The following CLUAP1 variants were observed in gnomAD, a reference collection of about 807,000 sequenced individuals.
The protein encoded by CLUAP1 is clusterin-associated protein 1.
In CLUAP1, 50 loss-of-function variants were observed where a neutral mutation model predicts 55.0. The ratio of observed to expected loss-of-function variants is 0.91; its 90% CI spans 0.72 to 1.15. The LOEUF (loss-of-function observed/expected upper bound fraction) is 1.15. Ranked by LOEUF, CLUAP1 falls within the 50% of genes most tolerant of loss-of-function variation. CLUAP1 has a pLI of 0.00. For synonymous variants in CLUAP1, 195 were observed against 175.4 expected, an observed-to-expected ratio of 1.11 and a Z score of -0.88; for missense variants, 530 against 507.6, an observed-to-expected ratio of 1.04 and a Z score of -0.42.
Position 3,526,435 on chromosome 16 carries a change from G to T in CLUAP1, c.879G>T (p.Leu293=), listed in dbSNP as rs773667870. 4.4e-6 allele frequency: 7 copies of T among 1,607,662 alleles called. No individual in the cohort carries two copies. In the East Asian group the frequency reaches 1.3e-4, roughly 31 times the overall value. ...RFEEAKNTLC[L]IQNKLKEEEK... Reference sequence around the variant, plus strand: ...AGGAAGCTAAAAACACTCTCTGCCTGATACAGAACAAGCTCAAGGAGGAAG... The same window carrying T: ...AGGAAGCTAAAAACACTCTCTGCCTTATACAGAACAAGCTCAAGGAGGAAG... Residue 293 remains leucine, a synonymous_variant, in exon 9 of 12, where the codon CTG becomes CTT. Transcript: ENST00000576634.
intron 3 of CLUAP1, 27 bp from the exon 4 acceptor site, chr16:3,508,262 C>CTTTTT: frequency 1.4e-6 from 2 of 1,387,208 alleles, no homozygotes; most frequent in Admixed American, 2.3e-5. Flanking sequence ...GGGCCTTCAA[C>CTTTTT]TTTTTTTTTT....
rs943473893 is a variant in CLUAP1, at chr16:3,506,270, T to G, written c.135-61T>G. On this transcript the variant is annotated intron_variant, in intron 2 of 11. Transcript: ENST00000576634. Reference sequence around the variant, plus strand: ...CCGCTGTCCTCTCAGTTGCCCACATTCTCTTTAGTAGACTTTCTCCTTGGT... The same window carrying G: ...CCGCTGTCCTCTCAGTTGCCCACATGCTCTTTAGTAGACTTTCTCCTTGGT... 33 of 1,364,836 alleles carry G rather than the reference T, an allele frequency of 2.4e-5. No individual in the cohort carries two copies. In the African/African-American group the frequency reaches 4.4e-4, roughly 18 times the overall value. The allele number at this position is 1,364,836 out of a possible 1,614,324, so 84.5% of individuals were successfully genotyped here. A position where few individuals can be genotyped will look rare whatever the true frequency, so the allele number is the denominator to read the frequency against.
At chr16:3,498,412 T>C (rs1364290076), upstream of CLUAP1, among the ~76,000 whole-genome samples, 1 of 151,946 alleles carries the variant, frequency 6.6e-6, no homozygotes, top group Non-Finnish European at 1.5e-5. Flanking sequence ...ACACACAAAA[T>C]TAAGCATCAC....
chr16:3,498,758 G>A (rs748943917), upstream of CLUAP1, among the ~76,000 whole-genome samples: 18 of 152,138 alleles, frequency 1.2e-4, no homozygotes, highest in Non-Finnish European at 1.8e-4. Flanking sequence ...TACTTGGGAG[G>A]CCGAGGCAGG....
At chr16:3,518,539 A>G (rs927042557) in intron 6 of CLUAP1, among the ~76,000 whole-genome samples, 1 of 152,228 alleles carries the variant, frequency 6.6e-6, no homozygotes, top group Non-Finnish European at 1.5e-5. Context: ...TTTGAGGAAC[A>G]GATATGTTTA....
Position 3,506,427 on chromosome 16 carries a change from C to A in CLUAP1, c.219+12C>A. The stretch of plus-strand genomic sequence containing the variant: ...TTGCCCAGTTCATGGTTAGTGGACA[C>A]TTATTTTGTGGAGTTGTAAAATTAA... On this transcript the variant is annotated intron_variant, in intron 3 of 11. Transcript: ENST00000576634. 1 of 1,598,568 alleles carries A rather than the reference C, an allele frequency of 6.3e-7. No homozygotes were observed. The highest frequency in any genetic ancestry group is 8.6e-7 in the Non-Finnish European group (1 of 1,165,868).
chr16:3,503,293 G>C (rs1416080886), intron 1 of CLUAP1, among the ~76,000 whole-genome samples: 1 of 151,986 alleles, frequency 6.6e-6, no homozygotes, highest in Non-Finnish European at 1.5e-5. Context: ...CCTCCTAGTA[G>C]CTGGGACTAC....
At chr16:3,532,696 C>T (rs1596406886) in intron 10 of CLUAP1, 90 bp from the exon 11 acceptor site, 1 of 1,394,152 alleles carries the variant, frequency 7.2e-7, no homozygotes, top group East Asian at 2.3e-5. Flanking sequence ...CAAAAGCCAA[C>T]ATGCCTGGCC....
At chr16:3,501,890 T>G (rs1216247603) in intron 1 of CLUAP1, among the ~76,000 whole-genome samples, 2 of 152,150 alleles carry the variant, frequency 1.3e-5, no homozygotes, top group Admixed American at 1.3e-4. Flanking sequence ...GGGCCCGCTC[T>G]GTGTTATGCG....
intron 3 of CLUAP1, among the ~76,000 whole-genome samples, chr16:3,507,853 A>G (rs72778131): frequency 0.067 from 10,258 of 152,224 alleles, 471 homozygotes; most frequent in Non-Finnish European, 0.099. Flanking sequence ...TTCCAAATAC[A>G]TATAGAATTT....
In CLUAP1 at chr16:3,536,255, G is replaced by C. The variant is rs1241582002; in HGVS notation, c.1226G>C (p.Ser409Thr). 1.9e-6 allele frequency: 3 copies of C among 1,614,042 alleles called. No individual in the cohort carries two copies. Among genetic ancestry groups the C allele is most frequent in the Non-Finnish European group, 2.5e-6 (3 of 1,180,032 alleles). Residue 409 changes from serine to threonine, a missense_variant, in exon 12 of 12, where the codon AGT becomes ACT. Ser to Thr is a moderately conservative substitution (Grantham distance 58). Coordinates refer to ENST00000576634, the MANE Select transcript of CLUAP1 (RefSeq NM_015041.3). ...RVRKSEPLDE[S>T]DNDF ...CGGAAATCTGAACCCCTGGATGAGA[G>C]TGACAATGACTTCTGACCCTTTTGC...
In CLUAP1 at chr16:3,532,091, G is replaced by A. The variant is rs561266526; in HGVS notation, c.1037-695G>A. 7.9e-5 allele frequency among the ~76,000 whole-genome samples: 12 copies of A among 151,954 alleles called. No individual in the cohort carries two copies. In the South Asian group the frequency reaches 1.9e-3, roughly 24 times the overall value. ...CAACCTCAGGTGATCCACCCGCCTC[G>A]GCCTCCCAAAGTGCTGGGATTACAG... On this transcript the variant is annotated intron_variant, in intron 10 of 11. Transcript: ENST00000576634.
At chr16:3,497,193 T>C (rs1207202961), upstream of CLUAP1, among the ~76,000 whole-genome samples, 4 of 151,636 alleles carry the variant, frequency 2.6e-5, no homozygotes, top group Non-Finnish European at 1.5e-5. Context: ...ATGTAGGAAA[T>C]ATTAAATAAT....
chr16:3,515,756 A>G (rs906225230), intron 6 of CLUAP1, among the ~76,000 whole-genome samples, 165 bp downstream of exon 6: 1 of 152,204 alleles, frequency 6.6e-6, no homozygotes, highest in Non-Finnish European at 1.5e-5. Flanking sequence ...GTCACTTACT[A>G]TCATTTTTTT....
At chr16:3,533,069 C>T (rs772140283) in intron 11 of CLUAP1, 95 of 1,533,134 alleles carry the variant, frequency 6.2e-5, no homozygotes, top group Non-Finnish European at 8.0e-5. Context: ...TTTGCCTTCT[C>T]ACTGTTCTTT....
chr16:3,524,588 C>A (rs1339498909), intron 8 of CLUAP1, among the ~76,000 whole-genome samples: 1 of 101,984 alleles, frequency 9.8e-6, no homozygotes, highest in African/African-American at 4.1e-5. Flanking sequence ...CAGAGCAAGA[C>A]ACCATCTCAA....
intron 6 of CLUAP1, among the ~76,000 whole-genome samples, chr16:3,517,132 T>TA (rs1445960078): frequency 6.6e-6 from 1 of 151,184 alleles, no homozygotes; most frequent in Admixed American, 6.6e-5. Context: ...TTTTTTCTTT[T>TA]TTTTTTTTTT....
chr16:3,530,977 C>T (rs181084262), intron 10 of CLUAP1, among the ~76,000 whole-genome samples: 14 of 152,252 alleles, frequency 9.2e-5, no homozygotes, highest in Admixed American at 9.2e-4. Flanking sequence ...TACTTAATAG[C>T]CTGAGAATTA....
chr16:3,500,080 C>T (rs1431608682), upstream of CLUAP1, among the ~76,000 whole-genome samples: 1 of 152,270 alleles, frequency 6.6e-6, no homozygotes, highest in Admixed American at 6.5e-5. Context: ...TGCTGTGCCA[C>T]GCCTGGCGGG....
Sources: allele counts gnomAD v4.1 joint callset (sites outside exome capture counted in the v4.1 genomes callset), GRCh38; gene constraint gnomAD v4.1.1; transcripts MANE v1.5; gene names NCBI Gene and HGNC (gene_info 2026-07-23, HGNC 2026-07-21).